Variants in EFCAB6 observed in about 807,000 individuals in gnomAD.
EFCAB6 encodes EF-hand calcium binding domain 6, also known as EF-hand calcium-binding domain-containing protein 6.
A neutral mutation model predicts 169.8 loss-of-function variants in EFCAB6; 156 were observed. The observed-to-expected ratio is 0.92, with a 90% confidence interval of 0.81 to 1.05. EFCAB6 has a LOEUF of 1.05. Ranked by LOEUF, EFCAB6 falls within the 50% of genes least tolerant of loss-of-function variation. The pLI is 0.00. For missense variants in EFCAB6, 1,800 were observed against 1,829.1 expected, an observed-to-expected ratio of 0.98 and a Z score of 0.29; for synonymous variants, 698 against 676.4, an observed-to-expected ratio of 1.03 and a Z score of -0.50.
intron 5 of EFCAB6, among the ~76,000 whole-genome samples, chr22:43,758,808 T>C (rs1332068700): frequency 6.6e-6 from 1 of 152,268 alleles, no homozygotes; most frequent in African/African-American, 2.4e-5. Context: ...AGTTTTTATT[T>C]TTAAAATGTT....
intron 10 of EFCAB6, among the ~76,000 whole-genome samples, chr22:43,699,323 T>C (rs76099484): frequency 0.019 from 2,874 of 152,220 alleles, 94 homozygotes; most frequent in African/African-American, 0.066. Context: ...GCAATAGTCA[T>C]GTTCTTCTCC....
At position 43,537,691 on chromosome 22, in the gene EFCAB6, G is replaced by GAAATAAAAAA; in HGVS notation, c.3880-147_3880-146insTTTTTTATTT. ...TAAAATGAAGAATAAAACATAGATG[G>GAAATAAAAAA]TGATTTTACAATGTAGCTTTTATTT... On this transcript the variant is annotated intron_variant, in intron 28 of 31. Transcript: ENST00000262726. The surrounding 1 kb of genome is among the most constrained non-coding windows in gnomAD (Gnocchi z 4.3). The GAAATAAAAAA allele has an allele frequency of 9.8e-7, 1 of 1,022,920 alleles. No individual in the cohort carries two copies. The highest frequency in any genetic ancestry group is 1.9e-5 in the South Asian group (1 of 54,006). 63.4% of individuals were successfully genotyped at this position (1,022,920 alleles called of 1,614,324 possible). A position where few individuals can be genotyped will look rare whatever the true frequency, so the allele number is the denominator to read the frequency against.
chr22:43,632,644 G>C (rs941318481), intron 18 of EFCAB6, among the ~76,000 whole-genome samples: 1 of 152,034 alleles, frequency 6.6e-6, no homozygotes, highest in South Asian at 2.1e-4. Context: ...TGCCTGTCCC[G>C]AATCCTGTTA....
intron 25 of EFCAB6, among the ~76,000 whole-genome samples, 190 bp downstream of exon 25, chr22:43,580,274 C>G (rs1462426370): frequency 1.3e-5 from 2 of 152,098 alleles, no homozygotes; most frequent in South Asian, 2.1e-4. Context: ...GCTGAGCACT[C>G]CCACCTCAGA....
rs996958321 is a variant in EFCAB6, at chr22:43,628,637, C to T, written c.2233-1958G>A. 3.9e-5 allele frequency among the ~76,000 whole-genome samples: 6 copies of T among 152,140 alleles called. No homozygotes were observed. Among genetic ancestry groups the T allele is most frequent in the African/African-American group, 7.2e-5 (3 of 41,406 alleles). The stretch of plus-strand genomic sequence containing the variant: ...TCCCCTCACTGTTCTCTGAACAGGC[C>T]GAGCCTGCTTCAGGGTATCGCAGGG... On this transcript the variant is annotated intron_variant, in intron 19 of 31. Transcript: ENST00000262726. The surrounding 1 kb of genome is among the most constrained non-coding windows in gnomAD (Gnocchi z 4.8).
rs563634935 is a variant in EFCAB6, at chr22:43,769,345, A to C, written c.351+3547T>G. 2.6e-5 allele frequency among the ~76,000 whole-genome samples: 4 copies of C among 152,348 alleles called. No homozygotes were observed. The East Asian group carries it at 7.7e-4, about 29-fold the overall frequency. On this transcript the variant is annotated intron_variant, in intron 4 of 31. Transcript: ENST00000262726. ...TGCAGATACAGTGGAAAGGAAATGG[A>C]GAGTAACTGCTAAGGAGGACAGTTT...
chr22:43,530,334 G>T (rs956125957), intron 31 of EFCAB6, among the ~76,000 whole-genome samples: 1 of 152,250 alleles, frequency 6.6e-6, no homozygotes, highest in African/African-American at 2.4e-5. Flanking sequence ...GGCTCTGGGG[G>T]TGGGACATGG....
At position 43,659,777 on chromosome 22, in the gene EFCAB6, A is replaced by C. The variant is rs151253031; in HGVS notation, c.1983+7327T>G. Among the ~76,000 whole-genome samples, 768 of 152,336 alleles carry C rather than the reference A, an allele frequency of 5.0e-3. 5 individuals are homozygous for C. The highest frequency in any genetic ancestry group is 0.014 in the Middle Eastern group (4 of 294). On this transcript the variant is annotated intron_variant, in intron 17 of 31. Transcript: ENST00000262726. ...GTGGGGAATTCATGGTAGTGAGTAA[A>C]GAGCAGGCAAATTCTCTGGATATGT...
intron 20 of EFCAB6, among the ~76,000 whole-genome samples, chr22:43,616,535 G>A (rs545650183): frequency 6.6e-5 from 10 of 152,244 alleles, no homozygotes; most frequent in Admixed American, 1.3e-4. Flanking sequence ...TGGTAGAAAC[G>A]TGCCTGTAAT....
chr22:43,569,260 TCTGTAGCA>T (rs1238230631), intron 26 of EFCAB6, among the ~76,000 whole-genome samples: 13 of 152,214 alleles, frequency 8.5e-5, no homozygotes, highest in African/African-American at 3.1e-4. Context: ...AAAGAATAAC[TCTGTAGCA>T]CGCTAAGTGA....
chr22:43,779,712 C>T (rs1444313924), intron 3 of EFCAB6, among the ~76,000 whole-genome samples: 1 of 151,942 alleles, frequency 6.6e-6, no homozygotes, highest in African/African-American at 2.4e-5. Context: ...TGCACTCCAG[C>T]CTGGGCAACA....
intron 5 of EFCAB6, chr22:43,759,421 G>A (rs1186085322): frequency 2.0e-5 from 3 of 152,178 alleles, no homozygotes; most frequent in Non-Finnish European, 4.4e-5. Context: ...ACGAACGATT[G>A]TAGTTATTCT....
intron 9 of EFCAB6, among the ~76,000 whole-genome samples, chr22:43,713,784 T>C (rs1202505879): frequency 6.6e-6 from 1 of 152,176 alleles, no homozygotes; most frequent in Non-Finnish European, 1.5e-5. Context: ...TAAGGGAAAC[T>C]GTAGAGCAGT....
intron 26 of EFCAB6, among the ~76,000 whole-genome samples, chr22:43,565,652 T>C (rs62226968): frequency 0.063 from 9,611 of 152,290 alleles, 364 homozygotes; most frequent in Admixed American, 0.097. Flanking sequence ...AATGTAATTA[T>C]GAAGTTTATA....
intron 26 of EFCAB6, among the ~76,000 whole-genome samples, chr22:43,569,238 G>C (rs1378439875): frequency 6.6e-6 from 1 of 152,258 alleles, no homozygotes; most frequent in Non-Finnish European, 1.5e-5. Context: ...TTGGGAGAAA[G>C]TTTGAACAAC....
At chr22:43,550,843 T>C (rs137158) in intron 27 of EFCAB6, among the ~76,000 whole-genome samples, 112,204 of 151,956 alleles carry the variant, frequency 0.74, 41,636 homozygotes, top group Admixed American at 0.8. Flanking sequence ...CAGTTCCGAC[T>C]GCCTTTTATC....
At chr22:43,633,950 C>T (rs1053257677) in intron 18 of EFCAB6, among the ~76,000 whole-genome samples, 5 of 152,142 alleles carry the variant, frequency 3.3e-5, no homozygotes, top group Non-Finnish European at 7.4e-5. Context: ...CTCCACCTTG[C>T]TAGAATCTTC....
chr22:43,727,160 C>T lies in EFCAB6; in HGVS notation c.757+4539G>A, dbSNP rs149878115. On this transcript the variant is annotated intron_variant, in intron 8 of 31. Transcript: ENST00000262726. ...TAAAGCAGCCAAGTGCAGTGGCTCACGCCTGTAATCCCAGAATTGGGGAGG... is the reference window on the plus strand; with the variant it reads ...TAAAGCAGCCAAGTGCAGTGGCTCATGCCTGTAATCCCAGAATTGGGGAGG... 4.8e-4 allele frequency among the ~76,000 whole-genome samples: 73 copies of T among 152,302 alleles called. 1 individual carries two copies. The highest frequency in any genetic ancestry group is 1.4e-3 in the African/African-American group (60 of 41,568).
At chr22:43,773,392 T>C (rs559640157) in intron 3 of EFCAB6, among the ~76,000 whole-genome samples, 4 of 152,338 alleles carry the variant, frequency 2.6e-5, no homozygotes, top group South Asian at 2.1e-4. Context: ...AACATGGATA[T>C]TGAAAGAAAA....
Sources: gnomAD v4.1 joint callset for allele counts (sites outside exome capture counted in the v4.1 genomes callset) on GRCh38, gnomAD v4.1.1 for gene constraint, Gnocchi (gnomAD v3.1) non-coding constraint, MANE v1.5 for transcripts, NCBI Gene and HGNC (gene_info 2026-07-23, HGNC 2026-07-21) for gene names.